Variants in ERCC5 observed in about 807,000 individuals in gnomAD.
ERCC5 encodes DNA excision repair protein ERCC-5.
Under a neutral mutation model 105.6 loss-of-function variants are expected in ERCC5, and 68 were observed. The observed-to-expected ratio is 0.64, with a 90% CI of 0.53 to 0.79. The LOEUF is 0.79. ERCC5 is among the 30% of genes least tolerant of loss of function. The pLI, the probability that ERCC5 is intolerant of heterozygous loss-of-function variation, is 0.00. For synonymous variants in ERCC5, 546 were observed against 526.2 expected (o/e 1.04, Z -0.51); for missense variants, 1,373 against 1,426.7 (o/e 0.96, Z 0.61).
Position 102,872,286 on chromosome 13 carries a change from C to T in ERCC5, c.2767C>T (p.Leu923Phe), listed in dbSNP as rs2140538799. The change falls in exon 13 of 15, where the codon CTC becomes TTC. Residue 923 changes from leucine to phenylalanine, a missense_variant. Around this residue, in one of 3 missense-constraint regions of ERCC5, gnomAD observed 367 missense variants for 350.2 expected, o/e 1.05. Transcript: ENST00000652225. ...KVKKKLRTLQLTPGFPNPAVA... is the reference protein window; with the variant it reads ...KVKKKLRTLQFTPGFPNPAVA... ...GAAAAAAAAATTACGGACATTGCAA[C>T]TCACCCCTGGCTTTCCTAACCCAGC... 1 of 1,614,166 alleles carries T rather than the reference C, an allele frequency of 6.2e-7. No homozygotes were observed. Among genetic ancestry groups the T allele is most frequent in the South Asian group, 1.1e-5 (1 of 91,078 alleles).
intron 14 of ERCC5, 132 bp from the exon 15 acceptor site, chr13:102,875,175 G>A (rs1285938900): frequency 4.8e-6 from 5 of 1,048,930 alleles, no homozygotes; most frequent in Admixed American, 2.5e-5. Flanking sequence ...ACTGGGTTTT[G>A]GGAGATAATG....
chr13:102,861,668 A>T lies in ERCC5; in HGVS notation c.834A>T (p.Ser278=). 1 of 1,614,186 alleles carries T rather than the reference A, an allele frequency of 6.2e-7. No homozygotes were observed. Among genetic ancestry groups the T allele is most frequent in the South Asian group, 1.1e-5 (1 of 91,082 alleles). The part of the protein sequence containing the change: ...DEGGFLKEVE[S]RRVVSEDTSH... ...GGGGCTTTCTGAAGGAGGTAGAGTC[A>T]AGGAGAGTGGTCTCTGAAGACACTT... Residue 278 remains serine, a synonymous_variant, in exon 7 of 15, where the codon TCA becomes TCT. Transcript: ENST00000652225.
intron 13 of ERCC5, 147 bp from the exon 14 acceptor site, chr13:102,873,112 G>A (rs1157125324): frequency 1.5e-5 from 12 of 819,766 alleles, no homozygotes; most frequent in Non-Finnish European, 2.1e-5. Flanking sequence ...TATTTTGTTA[G>A]TACTTTCTTT....
At position 102,861,631 on chromosome 13, in the gene ERCC5, A is replaced by T; in HGVS notation, c.797A>T (p.Tyr266Phe). 1 of 1,614,176 alleles carries T rather than the reference A, an allele frequency of 6.2e-7. No individual in the cohort carries two copies. The highest frequency in any genetic ancestry group is 8.5e-7 in the Non-Finnish European group (1 of 1,180,008). Reference sequence around the variant, plus strand: ...CATTCAGGACACATCCGAAGGCAGTATGAAGATGAAGGGGGCTTTCTGAAG... The same window carrying T: ...CATTCAGGACACATCCGAAGGCAGTTTGAAGATGAAGGGGGCTTTCTGAAG... ...QQHSGHIRRQ[Y>F]EDEGGFLKEV... Residue 266 changes from tyrosine to phenylalanine, a missense_variant, in exon 7 of 15, where the codon TAT becomes TTT. Physicochemically the swap from Tyr to Phe is conservative, Grantham distance 22. This residue lies in a region of ERCC5 where 1,004 missense variants were observed against 1,059.7 expected (regional missense o/e 0.95). Coordinates refer to ENST00000652225, the MANE Select transcript of ERCC5 (RefSeq NM_000123.4).
intron 12 of ERCC5, among the ~76,000 whole-genome samples, chr13:102,870,136 A>ACCC: frequency 6.6e-6 from 1 of 152,188 alleles, no homozygotes; most frequent in Admixed American, 6.5e-5. Context: ...TGGCTGGTGA[A>ACCC]TCATTCTTAG....
chr13:102,859,332 A>G (rs970283964), intron 6 of ERCC5, among the ~76,000 whole-genome samples: 5 of 152,232 alleles, frequency 3.3e-5, no homozygotes. Context: ...AAATATGAAA[A>G]AGGAAGGGTA....
chr13:102,860,512 C>T (rs1882580369), intron 6 of ERCC5, among the ~76,000 whole-genome samples: 1 of 152,142 alleles, frequency 6.6e-6, no homozygotes, highest in Non-Finnish European at 1.5e-5. Context: ...TTCAGGCATC[C>T]TCTGGGGGTC....
In ERCC5 at chr13:102,866,267, G is replaced by T. The variant is rs1463066474; in HGVS notation, c.2205G>T (p.Glu735Asp). The change falls in exon 10 of 15, where the codon GAG becomes GAT. Residue 735 changes from glutamate to aspartate, a missense_variant. Physicochemically the swap from Glu to Asp is conservative, Grantham distance 45 (BLOSUM62 2). Coordinates refer to ENST00000652225, the MANE Select transcript of ERCC5 (RefSeq NM_000123.4). ...AATGAAAAAACATTTTATAGGAGGAGTTGGAAACTCTGGAGAGCAACCTCT... is the reference window on the plus strand; with the variant it reads ...AATGAAAAAACATTTTATAGGAGGATTTGGAAACTCTGGAGAGCAACCTCT... ...LHEWQDINLE[E>D]LETLESNLLA... 1 of 1,614,182 alleles carries T rather than the reference G, an allele frequency of 6.2e-7. No homozygotes were observed. Among genetic ancestry groups the T allele is most frequent in the Non-Finnish European group, 8.5e-7 (1 of 1,180,030 alleles).
At chr13:102,866,591 T>G (rs1386203513) in intron 10 of ERCC5, 41 bp from the exon 11 acceptor site, 1 of 1,610,596 alleles carries the variant, frequency 6.2e-7, no homozygotes, top group Non-Finnish European at 8.5e-7. Flanking sequence ...GGCCTGGCGG[T>G]GCCCTTCCCT....
chr13:102,847,901 C>G (rs908321555), intron 1 of ERCC5, among the ~76,000 whole-genome samples: 4 of 152,224 alleles, frequency 2.6e-5, no homozygotes, highest in Non-Finnish European at 5.9e-5. Context: ...TGGCTTACGC[C>G]TGTCATCCCA....
rs758046666 is a variant in ERCC5, at chr13:102,862,305, C to G, written c.1156C>G (p.Arg386Gly). 1 of 1,614,012 alleles carries G rather than the reference C, an allele frequency of 6.2e-7. No homozygotes were observed. Among genetic ancestry groups the G allele is most frequent in the Non-Finnish European group, 8.5e-7 (1 of 1,180,040 alleles). The change falls in exon 8 of 15, where the codon CGG becomes GGG. Residue 386 changes from arginine (R) to glycine (G), a missense_variant. Arg to Gly is a moderately radical substitution (Grantham distance 125). Transcript: ENST00000652225. ...AAVDEGSISP[R>G]TLSAIKRALD... ...TGTAGACGAAGGCTCCATATCACCC[C>G]GGACTCTTTCAGCCATTAAGAGAGC...
At chr13:102,848,106 C>T (rs117307245) in intron 1 of ERCC5, among the ~76,000 whole-genome samples, 1 of 152,226 alleles carries the variant, frequency 6.6e-6, no homozygotes, top group Non-Finnish European at 1.5e-5. Context: ...CTGCAATGAG[C>T]CGTGTTCATG....
At chr13:102,874,553 A>G (rs4150366) in intron 14 of ERCC5, among the ~76,000 whole-genome samples, 328 of 152,110 alleles carry the variant, frequency 2.2e-3, no homozygotes, top group African/African-American at 3.0e-3. Flanking sequence ...ACGGAGTCTC[A>G]CTCTGTCTCC....
intron 13 of ERCC5, 142 bp downstream of exon 13, chr13:102,872,540 C>A: frequency 9.7e-7 from 1 of 1,026,502 alleles, no homozygotes; most frequent in Non-Finnish European, 1.4e-6. Context: ...CCTTTTCACT[C>A]TTTCTTCCCT....
chr13:102,866,880 C>T, intron 11 of ERCC5, 35 bp downstream of exon 11: 1 of 1,569,262 alleles, frequency 6.4e-7, no homozygotes. Flanking sequence ...TACTTTCTGA[C>T]ATTTACCTTC....
chr13:102,862,867 C>CA lies in ERCC5; in HGVS notation c.1718_1719insA (p.Ala574CysfsTer3). On this transcript the variant is annotated frameshift_variant, in exon 8 of 15. Coordinates refer to ENST00000652225, the MANE Select transcript of ERCC5 (RefSeq NM_000123.4). LOFTEE classifies it high-confidence loss of function. ...GATGAAACAAAATGTAAACCGAATT[C>CA]TGCTTCTGAAGTCATTGGCCCTGTC... The CA allele has an allele frequency of 6.2e-7, 1 of 1,614,202 alleles. No individual in the cohort carries two copies. The highest frequency in any genetic ancestry group is 8.5e-7 in the Non-Finnish European group (1 of 1,180,036).
At chr13:102,859,024 G>T in intron 6 of ERCC5, 1 of 431,950 alleles carries the variant, frequency 2.3e-6, no homozygotes. Flanking sequence ...TTGTAGCTTG[G>T]CAGGCCCAGA....
chr13:102,872,263 A>C lies in ERCC5; in HGVS notation c.2744A>C (p.Lys915Thr). ...CCTAATCCTCATGACACCAAAGTGA[A>C]AAAAAAATTACGGACATTGCAACTC... ...IRPNPHDTKV[K>T]KKLRTLQLTP... Residue 915 changes from lysine to threonine, a missense_variant, in exon 13 of 15, where the codon AAA becomes ACA. Transcript: ENST00000652225. The C allele has an allele frequency of 6.2e-7, 1 of 1,614,088 alleles. No homozygotes were observed. Among genetic ancestry groups the C allele is most frequent in the Non-Finnish European group, 8.5e-7 (1 of 1,180,006 alleles).
intron 1 of ERCC5, among the ~76,000 whole-genome samples, chr13:102,850,228 A>C (rs571676339): frequency 2.0e-5 from 3 of 152,190 alleles, no homozygotes; most frequent in Admixed American, 6.5e-5. Context: ...ACTCGGCCTC[A>C]ATATATTTTT....
Sources: allele counts gnomAD v4.1 joint callset (sites outside exome capture counted in the v4.1 genomes callset), GRCh38; gene constraint gnomAD v4.1.1; regional missense constraint gnomAD v4.1.1; transcripts MANE v1.5; gene names NCBI Gene and HGNC (gene_info 2026-07-23, HGNC 2026-07-21).